The following GRIK1 variants were observed in gnomAD, a reference collection of about 807,000 sequenced individuals.
The protein encoded by GRIK1 is glutamate ionotropic receptor kainate type subunit 1, also known as glutamate receptor ionotropic, kainate 1.
A neutral mutation model predicts 105.7 loss-of-function variants in GRIK1; 69 were observed. The observed-to-expected ratio is 0.65, with a 90% CI of 0.54 to 0.80. The LOEUF (loss-of-function observed/expected upper bound fraction) is 0.80, where lower values mean the gene tolerates loss of function less well. Ranked by LOEUF, GRIK1 falls within the 30% of genes least tolerant of loss-of-function variation. The pLI, the probability that GRIK1 is intolerant of heterozygous loss-of-function variation, is 0.00. For missense variants in GRIK1, 1,109 were observed against 1,167.3 expected (o/e 0.95, Z 0.73); for synonymous variants, 438 against 431.3 (o/e 1.02, Z -0.19).
intron 1 of GRIK1, among the ~76,000 whole-genome samples, chr21:29,848,579 C>T (rs1253336635): frequency 6.6e-6 from 1 of 151,910 alleles, no homozygotes; most frequent in East Asian, 1.9e-4. Flanking sequence ...TCATCCTTCT[C>T]AAATGGAAAC....
At chr21:29,619,418 CAGTG>C (rs1197028392) in intron 7 of GRIK1, among the ~76,000 whole-genome samples, 3 of 151,592 alleles carry the variant, frequency 2.0e-5, no homozygotes, top group Admixed American at 6.6e-5. Flanking sequence ...GCCTGAATGA[CAGTG>C]AGACTGTCTC....
intron 1 of GRIK1, among the ~76,000 whole-genome samples, chr21:29,772,744 T>C (rs2065843994): frequency 6.6e-6 from 1 of 152,202 alleles, no homozygotes; most frequent in Admixed American, 6.5e-5. Context: ...CAAAGAGCCA[T>C]CAACAAATTA....
Position 29,683,861 on chromosome 21 carries a change from C to T in GRIK1, c.544+5867G>A, listed in dbSNP as rs531209823. Among the ~76,000 whole-genome samples the T allele has an allele frequency of 2.6e-5, 4 of 152,340 alleles. No individual in the cohort carries two copies. In the East Asian group the frequency reaches 7.7e-4, roughly 29 times the overall value. On this transcript the variant is annotated intron_variant, in intron 3 of 17. Coordinates refer to ENST00000327783, the MANE Select transcript of GRIK1 (RefSeq NM_001330994.2). ...CTTAATGATGGGGTTCAGCACAGTG[C>T]TACCAGGAAATAGTTATTTTGTCAG...
chr21:29,634,906 G>A (rs769776396), intron 7 of GRIK1, among the ~76,000 whole-genome samples: 22 of 152,158 alleles, frequency 1.4e-4, no homozygotes, highest in Non-Finnish European at 2.8e-4. Context: ...GAGCAAGTTT[G>A]TGTTCGTAAA....
chr21:29,900,350 C>G (rs1163348736), intron 1 of GRIK1, among the ~76,000 whole-genome samples: 3 of 150,872 alleles, frequency 2.0e-5, no homozygotes, highest in Admixed American at 2.0e-4. Context: ...ATTGGATAAA[C>G]AGTCAAGACC....
intron 1 of GRIK1, among the ~76,000 whole-genome samples, chr21:29,856,827 G>A (rs1259675471): frequency 6.6e-6 from 1 of 152,164 alleles, no homozygotes; most frequent in African/African-American, 2.4e-5. Flanking sequence ...GGAGGATGGA[G>A]ACGTGGCAGA....
At chr21:29,938,714 G>A (rs994597745) in intron 1 of GRIK1, among the ~76,000 whole-genome samples, 1 of 152,160 alleles carries the variant, frequency 6.6e-6, no homozygotes, top group African/African-American at 2.4e-5. Context: ...TAGGGAGCAA[G>A]TGGGAAACTT....
intron 1 of GRIK1, among the ~76,000 whole-genome samples, chr21:29,793,584 G>A (rs938076977): frequency 4.6e-5 from 7 of 151,510 alleles, no homozygotes; most frequent in African/African-American, 1.7e-4. Flanking sequence ...AAAGAGCATG[G>A]CAGAGAAAGA....
chr21:29,615,228 C>T (rs1368251010), intron 7 of GRIK1, among the ~76,000 whole-genome samples: 1 of 151,616 alleles, frequency 6.6e-6, no homozygotes, highest in Non-Finnish European at 1.5e-5. Flanking sequence ...TGTGCATTTT[C>T]CTCCAGATGA....
At chr21:29,915,536 G>C (rs945518001) in intron 1 of GRIK1, among the ~76,000 whole-genome samples, 13 of 151,950 alleles carry the variant, frequency 8.6e-5, no homozygotes, top group Non-Finnish European at 1.6e-4. Flanking sequence ...CACAGGAAGG[G>C]AACAATTTCT....
chr21:29,655,913 G>C (rs2062838458), intron 4 of GRIK1, among the ~76,000 whole-genome samples: 1 of 152,140 alleles, frequency 6.6e-6, no homozygotes, highest in Non-Finnish European at 1.5e-5. Flanking sequence ...CTTACTTTTG[G>C]AGTCCCGGAA....
In GRIK1 at chr21:29,588,834, C is replaced by T; in HGVS notation, c.1569+5G>A. The T allele has an allele frequency of 1.4e-6, 2 of 1,462,474 alleles. No homozygotes were observed. Among genetic ancestry groups the T allele is most frequent in the South Asian group, 1.1e-5 (1 of 87,002 alleles). The allele number at this position is 1,462,474 out of a possible 1,614,324, so 90.6% of individuals were successfully genotyped here. On this transcript the variant is annotated splice_donor_5th_base_variant and intron_variant, in intron 11 of 17. Coordinates refer to ENST00000327783, the MANE Select transcript of GRIK1 (RefSeq NM_001330994.2). The stretch of plus-strand genomic sequence containing the variant: ...TTCAGATATGTTAGAAATATTGTTA[C>T]TTACGTGATCTATGAGTTCTTTAAC...
At chr21:29,619,211 G>A (rs1381177618) in intron 7 of GRIK1, among the ~76,000 whole-genome samples, 1 of 151,886 alleles carries the variant, frequency 6.6e-6, no homozygotes, top group Non-Finnish European at 1.5e-5. Flanking sequence ...GGCCAAAGCG[G>A]GCAGATCACG....
At chr21:29,586,775 T>A (rs1183082125) in intron 12 of GRIK1, among the ~76,000 whole-genome samples, 1 of 152,214 alleles carries the variant, frequency 6.6e-6, no homozygotes, top group African/African-American at 2.4e-5. Flanking sequence ...ATCTTAATGA[T>A]AGCACAAAGG....
intron 1 of GRIK1, among the ~76,000 whole-genome samples, chr21:29,795,495 T>C (rs2066531800): frequency 6.6e-6 from 1 of 152,210 alleles, no homozygotes; most frequent in South Asian, 2.1e-4. Flanking sequence ...GGGTAACCTG[T>C]GATATCTTCA....
At chr21:29,834,661 T>C (rs2067731783) in intron 1 of GRIK1, among the ~76,000 whole-genome samples, 1 of 151,262 alleles carries the variant, frequency 6.6e-6, no homozygotes, top group Non-Finnish European at 1.5e-5. Flanking sequence ...TTCTAATATA[T>C]AACATAGCAA....
chr21:29,632,579 T>C (rs191372447), intron 7 of GRIK1, among the ~76,000 whole-genome samples: 1 of 152,180 alleles, frequency 6.6e-6, no homozygotes, highest in East Asian at 1.9e-4. Flanking sequence ...TCCATAAATA[T>C]GTATATATAT....
intron 1 of GRIK1, among the ~76,000 whole-genome samples, chr21:29,714,408 G>A (rs2064130579): frequency 6.6e-6 from 1 of 152,196 alleles, no homozygotes; most frequent in African/African-American, 2.4e-5. Flanking sequence ...GAAATACAAT[G>A]TGTATTTTCA....
intron 7 of GRIK1, among the ~76,000 whole-genome samples, chr21:29,622,578 GA>G (rs2062030504): frequency 2.0e-5 from 3 of 152,162 alleles, no homozygotes; most frequent in African/African-American, 7.2e-5. Flanking sequence ...CAAATTCCCA[GA>G]AGGGTGATGA....
Sources: gnomAD v4.1 joint callset for allele counts (sites outside exome capture counted in the v4.1 genomes callset) on GRCh38, gnomAD v4.1.1 for gene constraint, MANE v1.5 for transcripts, NCBI Gene and HGNC (gene_info 2026-07-23, HGNC 2026-07-21) for gene names.